The following THSD7A variants were observed in gnomAD, a reference collection of about 807,000 sequenced individuals.
The protein encoded by THSD7A is thrombospondin type 1 domain containing 7A.
In THSD7A, 96 loss-of-function variants were observed where a neutral mutation model predicts 231.3. That is an observed-to-expected ratio of 0.41 (90% CI 0.35 to 0.49). The LOEUF is 0.49. Among genes scored for constraint, THSD7A ranks in the 20% least tolerant of loss-of-function variants. The pLI, the probability that THSD7A is intolerant of heterozygous loss-of-function variation, is 0.05. For missense variants in THSD7A, 2,290 were observed against 2,070.2 expected (o/e 1.11, Z -2.06); for synonymous variants, 940 against 743.3 (o/e 1.26, Z -4.30).
In THSD7A at chr7:11,541,494, T is replaced by C. The variant is rs47; in HGVS notation, c.1747A>G (p.Asn583Asp). Reference sequence around the variant, plus strand: ...TCCTTTCCGTTATCTGGCTCGCAGTTTCCCAGTCTCACTGCTTTCCAGTCA... The same window carrying C: ...TCCTTTCCGTTATCTGGCTCGCAGTCTCCCAGTCTCACTGCTTTCCAGTCA... ...CYDWKAVRLGNCEPDNGKECG... is the reference protein window; with the variant it reads ...CYDWKAVRLGDCEPDNGKECG... Residue 583 changes from asparagine (N) to aspartate (D), a missense_variant, in exon 6 of 28, where the codon AAC becomes GAC. Asn to Asp is a conservative substitution (Grantham distance 23). Coordinates refer to ENST00000423059, the MANE Select transcript of THSD7A (RefSeq NM_015204.3). 1,232,792 of 1,613,316 alleles carry C rather than the reference T, an allele frequency of 0.76. 473,803 individuals are homozygous for C. The highest frequency in any genetic ancestry group is 0.96 in the African/African-American group (71,980 of 74,968).
At position 11,588,295 on chromosome 7, in the gene THSD7A, G is replaced by A. The variant is rs543837041; in HGVS notation, c.1453+2165C>T. ...CTATTGGGAAATGTTAAGTGCTCCCGGGGAGAAACTAACATAGTCTAAATT... is the reference window on the plus strand; with the variant it reads ...CTATTGGGAAATGTTAAGTGCTCCCAGGGAGAAACTAACATAGTCTAAATT... On this transcript the variant is annotated intron_variant, in intron 4 of 27. Coordinates refer to ENST00000423059, the MANE Select transcript of THSD7A (RefSeq NM_015204.3). Among the ~76,000 whole-genome samples the A allele has an allele frequency of 1.5e-4, 23 of 152,050 alleles. No individual in the cohort carries two copies. The East Asian group carries it at 1.7e-3, about 11-fold the overall frequency.
intron 1 of THSD7A, among the ~76,000 whole-genome samples, chr7:11,735,708 G>A (rs1046939483): frequency 2.0e-5 from 3 of 151,892 alleles, no homozygotes; most frequent in Admixed American, 6.6e-5. Flanking sequence ...TCATCTAAAT[G>A]TGTAAGAAAC....
At chr7:11,799,981 C>A (rs556462275) in intron 1 of THSD7A, among the ~76,000 whole-genome samples, 1 of 152,156 alleles carries the variant, frequency 6.6e-6, no homozygotes, top group African/African-American at 2.4e-5. Flanking sequence ...TAGAACAAGG[C>A]TCTTCTGTTC....
intron 1 of THSD7A, among the ~76,000 whole-genome samples, chr7:11,697,675 C>A (rs1780444338): frequency 6.6e-6 from 1 of 151,252 alleles, no homozygotes; most frequent in Admixed American, 6.6e-5. Flanking sequence ...TTTCAAATGT[C>A]TTCTCATTTA....
At chr7:11,769,153 A>ATTTTTTTTTCTTTTTTTTTT (rs1783143535) in intron 1 of THSD7A, among the ~76,000 whole-genome samples, 1 of 27,662 alleles carries the variant, frequency 3.6e-5, no homozygotes, top group Non-Finnish European at 7.0e-5. Flanking sequence ...ATATATATAT[A>ATTTTTTTTTCTTTTTTTTTT]TTTTTTTTTT....
intron 1 of THSD7A, among the ~76,000 whole-genome samples, chr7:11,678,887 C>T (rs995589496): frequency 6.6e-6 from 1 of 152,102 alleles, no homozygotes; most frequent in African/African-American, 2.4e-5. Flanking sequence ...CTGGCAGAGT[C>T]ATAACAGGAA....
At chr7:11,426,769 A>G (rs369104472) in intron 14 of THSD7A, 98 bp from the exon 15 acceptor site, 1 of 1,299,476 alleles carries the variant, frequency 7.7e-7, no homozygotes, top group Non-Finnish European at 1.0e-6. Context: ...AGTTTCAAGT[A>G]TTATTACTTA....
intron 2 of THSD7A, among the ~76,000 whole-genome samples, chr7:11,606,380 G>A (rs1780732660): frequency 1.3e-5 from 2 of 152,068 alleles, no homozygotes; most frequent in African/African-American, 4.8e-5. Context: ...CTCTGCACTG[G>A]TGGAGTTGGA....
intron 7 of THSD7A, among the ~76,000 whole-genome samples, chr7:11,476,318 T>TAC (rs59127235): frequency 0.28 from 38,994 of 137,036 alleles, 5,149 homozygotes; most frequent in Non-Finnish European, 0.31. Context: ...CTCTGGAAGA[T>TAC]ACACACACAC....
intron 1 of THSD7A, among the ~76,000 whole-genome samples, chr7:11,783,944 C>A (rs1783708159): frequency 6.6e-6 from 1 of 151,894 alleles, no homozygotes; most frequent in Admixed American, 6.6e-5. Flanking sequence ...TCATTAATTA[C>A]CAATACATAG....
intron 6 of THSD7A, among the ~76,000 whole-genome samples, chr7:11,540,113 A>G (rs1013587281): frequency 4.6e-5 from 7 of 152,112 alleles, no homozygotes; most frequent in African/African-American, 1.7e-4. Flanking sequence ...TCTCTTTATT[A>G]TAGAATAAGT....
chr7:11,688,823 A>AGTTAAT (rs1273307824), intron 1 of THSD7A, among the ~76,000 whole-genome samples: 3 of 151,826 alleles, frequency 2.0e-5, no homozygotes, highest in African/African-American at 7.2e-5. Flanking sequence ...CTCTGCACTC[A>AGTTAAT]TCTTGCATTA....
chr7:11,616,510 C>T (rs1781106256), intron 2 of THSD7A, among the ~76,000 whole-genome samples: 1 of 152,106 alleles, frequency 6.6e-6, no homozygotes, highest in Non-Finnish European at 1.5e-5. Context: ...CAGTGTATTG[C>T]TTTACACAGT....
intron 6 of THSD7A, among the ~76,000 whole-genome samples, chr7:11,527,594 T>G (rs559377561): frequency 1.3e-5 from 2 of 152,290 alleles, no homozygotes; most frequent in African/African-American, 4.8e-5. Context: ...ACAATTAACT[T>G]GTTTTGAAAA....
intron 25 of THSD7A, 102 bp downstream of exon 25, chr7:11,379,528 G>A (rs2115294003): frequency 2.6e-6 from 3 of 1,133,372 alleles, no homozygotes; most frequent in East Asian, 5.2e-5. Context: ...GGATTTTTAT[G>A]CCTCAAGACA....
chr7:11,636,183 A>C lies in THSD7A; in HGVS notation c.969T>G (p.Tyr323Ter). 1.9e-6 allele frequency: 3 copies of C among 1,613,970 alleles called. No homozygotes were observed. The highest frequency in any genetic ancestry group is 2.5e-6 in the Non-Finnish European group (3 of 1,179,888). Residue 323 changes from tyrosine to a stop codon, truncating the protein, a stop_gained, in exon 2 of 28, where the codon TAT (tyrosine) becomes TAG (stop). Transcript: ENST00000423059. LOFTEE classifies it high-confidence loss of function. The surrounding 1 kb of genome is among the most constrained non-coding windows in gnomAD (Gnocchi z 10.0). ...ENKYWDIQIG[Y>*]QTREVMCINK... ...TAATGCACATAACCTCTCTGGTCTG[A>C]TATCCAATCTGGATGTCCCAATATT...
chr7:11,644,586 T>C (rs1387854954), intron 1 of THSD7A, among the ~76,000 whole-genome samples: 3 of 151,936 alleles, frequency 2.0e-5, no homozygotes, highest in African/African-American at 7.2e-5. Context: ...TCACCTTCAA[T>C]GAGTAATTAA....
chr7:11,799,823 A>G (rs1784228080), intron 1 of THSD7A, among the ~76,000 whole-genome samples: 1 of 152,258 alleles, frequency 6.6e-6, no homozygotes, highest in Non-Finnish European at 1.5e-5. Flanking sequence ...ATGAGAAGAC[A>G]TTACAGAATG....
chr7:11,699,214 TC>T (rs1301659068), intron 1 of THSD7A, among the ~76,000 whole-genome samples: 1 of 151,190 alleles, frequency 6.6e-6, no homozygotes, highest in East Asian at 2.0e-4. Flanking sequence ...AAAAGCAGTG[TC>T]TTTTCTTCAT....
Sources: gnomAD v4.1 joint callset for allele counts (sites outside exome capture counted in the v4.1 genomes callset) on GRCh38, gnomAD v4.1.1 for gene constraint, Gnocchi (gnomAD v3.1) non-coding constraint, MANE v1.5 for transcripts, NCBI Gene and HGNC (gene_info 2026-07-23, HGNC 2026-07-21) for gene names.